The following MDGA2 variants were observed in gnomAD, a reference collection of about 807,000 sequenced individuals.
MDGA2 encodes MAM domain containing glycosylphosphatidylinositol anchor 2, also known as MAM domain-containing glycosylphosphatidylinositol anchor protein 2.
In MDGA2, 40 loss-of-function variants were observed where a neutral mutation model predicts 117.8. The observed-to-expected ratio is 0.34, with a 90% confidence interval of 0.26 to 0.44. The LOEUF (loss-of-function observed/expected upper bound fraction) is 0.44, where lower values mean the gene tolerates loss of function less well. Ranked by LOEUF, MDGA2 falls within the 20% of genes least tolerant of loss-of-function variation. MDGA2 has a pLI of 1.00. For synonymous variants in MDGA2, 452 were observed against 439.0 expected, an observed-to-expected ratio of 1.03 and a Z score of -0.37; for missense variants, 1,123 against 1,250.6, an observed-to-expected ratio of 0.90 and a Z score of 1.54.
rs369744362 is a variant in MDGA2, at chr14:47,015,535, A to C, written c.1819+19476T>G. ...AACATGGGGAAGTGAAAACTGAGCT[A>C]TCTATGGCTGCAATGGAGAGTAGGT... On this transcript the variant is annotated intron_variant, in intron 8 of 16. Coordinates refer to ENST00000399232, the MANE Select transcript of MDGA2 (RefSeq NM_001113498.3). Among the ~76,000 whole-genome samples, 115 of 152,232 alleles carry C rather than the reference A, an allele frequency of 7.6e-4. 1 individual carries two copies. The highest frequency in any genetic ancestry group is 2.6e-3 in the African/African-American group (110 of 41,568).
rs551962181 is a variant in MDGA2, at chr14:47,405,811, A to C, written c.281-104261T>G. The stretch of plus-strand genomic sequence containing the variant: ...AAATGACACATGAAGCAATCATATA[A>C]ATTTAATCAAAAGATTTACCTCTAC... On this transcript the variant is annotated intron_variant, in intron 1 of 16. Transcript: ENST00000399232. Among the ~76,000 whole-genome samples the C allele has an allele frequency of 1.2e-4, 19 of 152,280 alleles. 2 individuals are homozygous for C. Among genetic ancestry groups the C allele is most frequent in the African/African-American group, 4.6e-4 (19 of 41,558 alleles).
intron 1 of MDGA2, among the ~76,000 whole-genome samples, chr14:47,317,972 CA>C (rs1211944196): frequency 5.9e-5 from 9 of 152,226 alleles, no homozygotes; most frequent in African/African-American, 2.2e-4. Flanking sequence ...GCCTTTCCTA[CA>C]TCATTGAATG....
chr14:46,850,189 T>A (rs1046401309), intron 15 of MDGA2, among the ~76,000 whole-genome samples: 1 of 151,874 alleles, frequency 6.6e-6, no homozygotes. Flanking sequence ...ATTAGAATTG[T>A]ACCTCACAAA....
chr14:47,331,029 T>C (rs1163588890), intron 1 of MDGA2, among the ~76,000 whole-genome samples: 2 of 151,918 alleles, frequency 1.3e-5, no homozygotes, highest in Non-Finnish European at 2.9e-5. Flanking sequence ...CTTTTATCAG[T>C]GTTTAAAAAT....
At chr14:47,637,184 G>A (rs1415832753) in intron 1 of MDGA2, among the ~76,000 whole-genome samples, 1 of 152,104 alleles carries the variant, frequency 6.6e-6, no homozygotes, top group Non-Finnish European at 1.5e-5. Context: ...ATGGATATGG[G>A]TATGTATATG....
chr14:47,412,033 A>G (rs1282936887), intron 1 of MDGA2, among the ~76,000 whole-genome samples: 1 of 152,216 alleles, frequency 6.6e-6, no homozygotes, highest in Non-Finnish European at 1.5e-5. Flanking sequence ...TCAGTAACCC[A>G]GTGAAGTCTA....
At chr14:46,976,409 C>G (rs1886460463) in intron 8 of MDGA2, among the ~76,000 whole-genome samples, 1 of 151,972 alleles carries the variant, frequency 6.6e-6, no homozygotes, top group Admixed American at 6.6e-5. Flanking sequence ...AGACATCATT[C>G]TTTACCTCTA....
At chr14:46,895,926 C>T (rs536103212) in intron 10 of MDGA2, among the ~76,000 whole-genome samples, 3 of 152,136 alleles carry the variant, frequency 2.0e-5, no homozygotes, top group South Asian at 2.1e-4. Flanking sequence ...TGGTGAGTAC[C>T]GATTACTGTC....
chr14:47,612,209 CAGATAGATAGAT>C (rs3985115), intron 1 of MDGA2, among the ~76,000 whole-genome samples: 112 of 145,812 alleles, frequency 7.7e-4, no homozygotes, highest in East Asian at 4.4e-3. Flanking sequence ...GATAGATAGA[CAGATAGATAGAT>C]AGATAGATAG....
intron 3 of MDGA2, among the ~76,000 whole-genome samples, chr14:47,146,418 AGCTGTGCAGCGATATAT>A (rs1331606246): frequency 1.3e-5 from 2 of 152,190 alleles, no homozygotes; most frequent in East Asian, 3.8e-4. Flanking sequence ...TCATTCTATT[AGCTGTGCAGCGATATAT>A]GCTGTCTGGT....
At chr14:47,028,915 C>T (rs1217216147) in intron 8 of MDGA2, among the ~76,000 whole-genome samples, 1 of 152,102 alleles carries the variant, frequency 6.6e-6, no homozygotes, top group Non-Finnish European at 1.5e-5. Flanking sequence ...CCTAGATCCT[C>T]TTGTATTTCC....
intron 8 of MDGA2, among the ~76,000 whole-genome samples, chr14:47,005,838 CATTG>C (rs1297028618): frequency 1.3e-5 from 2 of 151,522 alleles, no homozygotes; most frequent in South Asian, 2.1e-4. Flanking sequence ...TATACTTAAA[CATTG>C]ATTGTATGTT....
rs919156670 is a variant in MDGA2 at position 47,350,510 on chromosome 14, C to A, written c.281-48960G>T. ...TGTTGTATATGAAATTCTAAATATA[C>A]AAAATACAGCATGTTCAAAATGAAT... On this transcript the variant is annotated intron_variant, in intron 1 of 16. Transcript: ENST00000399232. Among the ~76,000 whole-genome samples, 5 of 152,100 alleles carry A rather than the reference C, an allele frequency of 3.3e-5. No individual in the cohort carries two copies. The East Asian group carries it at 9.6e-4, about 29-fold the overall frequency.
rs200049720 is a variant in MDGA2, at chr14:47,619,148, CACAGAT to C, written c.280+55363_280+55368del. 6.6e-3 allele frequency among the ~76,000 whole-genome samples: 986 copies of C among 148,520 alleles called. 5 individuals carry two copies. Among genetic ancestry groups the C allele is most frequent in the East Asian group, 0.019 (97 of 4,982 alleles). ...ACACACACACACACACACACACACACACAGATACATTATCTACAAAACTGCTAATAT... is the reference window on the plus strand; with the variant it reads ...ACACACACACACACACACACACACACACATTATCTACAAAACTGCTAATAT... On this transcript the variant is annotated intron_variant, in intron 1 of 16. Transcript: ENST00000399232.
chr14:47,271,633 T>C (rs2139704090), intron 2 of MDGA2, among the ~76,000 whole-genome samples: 1 of 152,226 alleles, frequency 6.6e-6, no homozygotes, highest in Middle Eastern at 3.4e-3. Context: ...GCTCTGCACC[T>C]CCTGACCTTG....
chr14:47,355,385 C>T (rs76432713), intron 1 of MDGA2, among the ~76,000 whole-genome samples: 3,226 of 152,192 alleles, frequency 0.021, 114 homozygotes, highest in African/African-American at 0.073. Flanking sequence ...TTCTGCAATA[C>T]AGCCTGGCTG....
intron 2 of MDGA2, among the ~76,000 whole-genome samples, chr14:47,223,990 T>C (rs776343088): frequency 3.9e-5 from 6 of 152,116 alleles, no homozygotes; most frequent in Non-Finnish European, 8.8e-5. Context: ...ACCACCCCCA[T>C]GATTCAATTA....
chr14:47,534,965 A>G (rs1349369203), intron 1 of MDGA2, among the ~76,000 whole-genome samples: 3 of 152,208 alleles, frequency 2.0e-5, no homozygotes, highest in Admixed American at 6.5e-5. Flanking sequence ...CTGTTTTTGA[A>G]TGCCACTCAG....
intron 9 of MDGA2, among the ~76,000 whole-genome samples, chr14:46,933,799 AATATATATAT>A (rs34723414): frequency 0.021 from 1,828 of 86,922 alleles, 63 homozygotes; most frequent in African/African-American, 0.043. Context: ...TTATGTAACA[AATATATATAT>A]ATATATATAT....
Sources: gnomAD v4.1 joint callset for allele counts (sites outside exome capture counted in the v4.1 genomes callset) on GRCh38, gnomAD v4.1.1 for gene constraint, MANE v1.5 for transcripts, NCBI Gene and HGNC (gene_info 2026-07-23, HGNC 2026-07-21) for gene names.